RBMS1: variants seen among roughly 807,000 people sequenced by gnomAD.
RBMS1 encodes RNA-binding motif, single-stranded-interacting protein 1.
A neutral mutation model predicts 62.3 loss-of-function variants in RBMS1; 17 were observed. That is an observed-to-expected ratio of 0.27 (90% CI 0.19 to 0.41). RBMS1 has a LOEUF of 0.41. Among genes scored for constraint, RBMS1 ranks in the 10% least tolerant of loss-of-function variants. RBMS1 has a pLI of 1.00. For missense variants in RBMS1, 334 were observed against 504.5 expected (o/e 0.66, Z 3.24); for synonymous variants, 172 against 170.0 (o/e 1.01, Z -0.09).
At chr2:160,395,978 C>A (rs1032933268) in intron 1 of RBMS1, among the ~76,000 whole-genome samples, 1 of 152,160 alleles carries the variant, frequency 6.6e-6, no homozygotes, top group Non-Finnish European at 1.5e-5. Context: ...ATCCAGAGTA[C>A]CTGTGCCAGG....
intron 13 of RBMS1, 49 bp downstream of exon 13, chr2:160,275,581 G>T: frequency 6.3e-7 from 1 of 1,597,964 alleles, no homozygotes; most frequent in Non-Finnish European, 8.6e-7. Context: ...AAGCCCTATA[G>T]ATTGTGCTTG....
chr2:160,425,853 A>G (rs1336015873), intron 1 of RBMS1, among the ~76,000 whole-genome samples: 1 of 152,094 alleles, frequency 6.6e-6, no homozygotes, highest in Non-Finnish European at 1.5e-5. Flanking sequence ...TCCCTTATAT[A>G]TTCTTAGAAC....
chr2:160,435,859 A>T (rs537544253), intron 1 of RBMS1, among the ~76,000 whole-genome samples: 105 of 152,316 alleles, frequency 6.9e-4, no homozygotes, highest in African/African-American at 2.3e-3. Context: ...AGAGTGTGTA[A>T]CTAAATGTTT....
intron 6 of RBMS1, among the ~76,000 whole-genome samples, chr2:160,298,399 A>G (rs2105948012): frequency 6.6e-6 from 1 of 152,310 alleles, no homozygotes; most frequent in East Asian, 1.9e-4. Context: ...CCAGGATGAG[A>G]GATGAATGAG....
At chr2:160,324,880 G>A (rs370773249) in intron 2 of RBMS1, among the ~76,000 whole-genome samples, 1,283 of 76,034 alleles carry the variant, frequency 0.017, 37 homozygotes, top group African/African-American at 0.046. Context: ...GTGTGTGTGT[G>A]TGTATATATA....
At position 160,438,987 on chromosome 2, in the gene RBMS1, C is replaced by G. The variant is rs1574059418; in HGVS notation, c.75+54302G>C. On this transcript the variant is annotated intron_variant, in intron 1 of 13. Coordinates refer to ENST00000348849, the MANE Select transcript of RBMS1 (RefSeq NM_016836.4). ...GGCCGGGCAGAGGCGCCCCTCACCT[C>G]CCGGACGGGGCGGCTGGCCAGGCGG... Among the ~76,000 whole-genome samples, 4 of 147,158 alleles carry G rather than the reference C, an allele frequency of 2.7e-5. No homozygotes were observed. In the South Asian group the frequency reaches 8.7e-4, roughly 32 times the overall value.
intron 1 of RBMS1, among the ~76,000 whole-genome samples, chr2:160,463,075 G>A (rs1684535958): frequency 6.7e-6 from 1 of 150,374 alleles, no homozygotes; most frequent in East Asian, 1.9e-4. Context: ...AATGGAACCC[G>A]CTGTCAAGAG....
chr2:160,439,783 G>A lies in RBMS1; in HGVS notation c.75+53506C>T, dbSNP rs559348259. On this transcript the variant is annotated intron_variant, in intron 1 of 13. Coordinates refer to ENST00000348849, the MANE Select transcript of RBMS1 (RefSeq NM_016836.4). ...GGGCACCACTGAGCACTGAGTGAAC[G>A]AGACTCCGTCTGCAATCCCAGCACC... Among the ~76,000 whole-genome samples the A allele has an allele frequency of 2.9e-4, 44 of 152,236 alleles. 1 individual carries two copies. The South Asian group carries it at 4.8e-3, about 16-fold the overall frequency.
chr2:160,468,648 TA>T (rs1684794658), intron 1 of RBMS1, among the ~76,000 whole-genome samples: 1 of 149,968 alleles, frequency 6.7e-6, no homozygotes. Flanking sequence ...TTAAAATGTA[TA>T]GATTAAGTAG....
intron 1 of RBMS1, among the ~76,000 whole-genome samples, chr2:160,400,370 A>G (rs1296871308): frequency 8.3e-5 from 12 of 144,748 alleles, no homozygotes; most frequent in South Asian, 2.2e-4. Flanking sequence ...ATATATGAGG[A>G]AAAAAAAAAA....
At chr2:160,282,425 T>A in intron 9 of RBMS1, 1 of 766,032 alleles carries the variant, frequency 1.3e-6, no homozygotes, top group Non-Finnish European at 2.1e-6. Flanking sequence ...TCCAATTGCA[T>A]AAGCTTATGG....
intron 1 of RBMS1, among the ~76,000 whole-genome samples, chr2:160,472,133 T>C (rs996320642): frequency 1.6e-4 from 25 of 152,138 alleles, no homozygotes; most frequent in Non-Finnish European, 2.8e-4. Flanking sequence ...GTGACCTAAA[T>C]TGAGCCCAAA....
At chr2:160,455,357 T>C (rs1454153644) in intron 1 of RBMS1, among the ~76,000 whole-genome samples, 1 of 152,232 alleles carries the variant, frequency 6.6e-6, no homozygotes, top group East Asian at 1.9e-4. Flanking sequence ...AAAAAGTAGA[T>C]ACCATGCAGT....
At chr2:160,312,805 C>A (rs1216940592) in intron 4 of RBMS1, among the ~76,000 whole-genome samples, 1 of 148,824 alleles carries the variant, frequency 6.7e-6, no homozygotes, top group Non-Finnish European at 1.5e-5. Context: ...ATTCCCTGGG[C>A]ATTGACATTT....
intron 1 of RBMS1, among the ~76,000 whole-genome samples, chr2:160,472,420 C>A (rs945554760): frequency 1.3e-5 from 2 of 152,106 alleles, no homozygotes; most frequent in African/African-American, 4.8e-5. Context: ...CTGTTGCTAA[C>A]AACACCGAAG....
chr2:160,484,076 C>T (rs1418593641), intron 1 of RBMS1, among the ~76,000 whole-genome samples: 1 of 150,034 alleles, frequency 6.7e-6, no homozygotes, highest in African/African-American at 2.5e-5. Flanking sequence ...TGGCTTCAAG[C>T]AATCCTCCCC....
In RBMS1 at chr2:160,334,134, T is replaced by C. The variant is rs183008870; in HGVS notation, c.252-15907A>G. 2.3e-3 allele frequency among the ~76,000 whole-genome samples: 357 copies of C among 152,324 alleles called. 1 individual carries two copies. The highest frequency in any genetic ancestry group is 8.2e-3 in the African/African-American group (341 of 41,574). On this transcript the variant is annotated intron_variant, in intron 2 of 13. Coordinates refer to ENST00000348849, the MANE Select transcript of RBMS1 (RefSeq NM_016836.4). ...TCAATGTTCACAGAGCATTTATCTA[T>C]AGTACTTAAAGATTTCCATTTAGCT... is the stretch of plus-strand genomic sequence containing the variant.
intron 1 of RBMS1, among the ~76,000 whole-genome samples, chr2:160,370,219 C>T (rs977421665): frequency 5.3e-5 from 8 of 152,188 alleles, no homozygotes; most frequent in Non-Finnish European, 1.2e-4. Flanking sequence ...TCAATTCTTT[C>T]TTGGGGCTAA....
chr2:160,473,240 C>A (rs1684994289), intron 1 of RBMS1, among the ~76,000 whole-genome samples: 1 of 152,162 alleles, frequency 6.6e-6, no homozygotes, highest in Non-Finnish European at 1.5e-5. Context: ...TCCCCATGCA[C>A]ACTGACTTGG....
Sources: gnomAD v4.1 joint callset for allele counts (sites outside exome capture counted in the v4.1 genomes callset) on GRCh38, gnomAD v4.1.1 for gene constraint, MANE v1.5 for transcripts, NCBI Gene and HGNC (gene_info 2026-07-23, HGNC 2026-07-21) for gene names.